The following NLRP9 variants were observed in gnomAD, a reference collection of about 807,000 sequenced individuals.
The protein encoded by NLRP9 is NACHT, LRR and PYD domains-containing protein 9.
NLRP9 carries 88 observed loss-of-function variants against 83.1 expected under a neutral mutation model. The ratio of observed to expected loss-of-function variants is 1.06; its 90% CI spans 0.89 to 1.26. The LOEUF (loss-of-function observed/expected upper bound fraction) is 1.26, where lower values mean the gene tolerates loss of function less well. Among genes scored for constraint, NLRP9 ranks in the 50% most tolerant of loss-of-function variants. The pLI, the probability that NLRP9 is intolerant of heterozygous loss-of-function variation, is 0.00. For synonymous variants in NLRP9, 521 were observed against 447.6 expected, an observed-to-expected ratio of 1.16 and a Z score of -2.07; for missense variants, 1,308 against 1,179.3, an observed-to-expected ratio of 1.11 and a Z score of -1.60.
At chr19:55,729,046 T>C (rs200679268) in intron 3 of NLRP9, among the ~76,000 whole-genome samples, 1,386 of 117,740 alleles carry the variant, frequency 0.012, 11 homozygotes, top group East Asian at 0.12. Context: ...TTATTTTTCT[T>C]TTTCTTTTTT....
At chr19:55,729,283 C>T (rs139400721) in intron 3 of NLRP9, among the ~76,000 whole-genome samples, 132 of 150,556 alleles carry the variant, frequency 8.8e-4, no homozygotes, top group South Asian at 1.5e-3. Flanking sequence ...ATGTGTACAA[C>T]GTGCAGGTTT....
intron 8 of NLRP9, chr19:55,709,593 T>G (rs1987621175): frequency 6.6e-6 from 1 of 152,300 alleles, no homozygotes; most frequent in Non-Finnish European, 1.5e-5. Flanking sequence ...CATTGTCCCC[T>G]GAACCCACCT....
chr19:55,713,071 T>G (rs1020930351), intron 6 of NLRP9, among the ~76,000 whole-genome samples: 6 of 150,434 alleles, frequency 4.0e-5, no homozygotes, highest in Non-Finnish European at 8.9e-5. Flanking sequence ...TCTTCTCTCC[T>G]GCCTGGCTCT....
rs765779528 is a variant in NLRP9 at position 55,733,919 on chromosome 19, AT to A, written c.281-370del. ...ATAAACTCAACCAGTTGTCAACCAA[AT>A]TTTTTTTTTTTTTTTTTTTTGAGAC... On this transcript the variant is annotated intron_variant, in intron 1 of 8. Transcript: ENST00000332836. Among the ~76,000 whole-genome samples the A allele has an allele frequency of 1.6e-3, 183 of 117,860 alleles. 1 individual carries two copies. The highest frequency in any genetic ancestry group is 2.2e-3 in the East Asian group (10 of 4,488). 77.3% of individuals were successfully genotyped at this position (117,860 alleles called of 152,430 possible). A position where few individuals can be genotyped will look rare whatever the true frequency, so the allele number is the denominator to read the frequency against.
intron 2 of NLRP9, among the ~76,000 whole-genome samples, chr19:55,730,715 C>T (rs142008183): frequency 3.3e-5 from 5 of 152,194 alleles, no homozygotes; most frequent in East Asian, 1.9e-4. Flanking sequence ...GATGAGAACA[C>T]ATGGACACAG....
chr19:55,715,929 G>A (rs185654311), intron 5 of NLRP9, among the ~76,000 whole-genome samples: 1 of 152,108 alleles, frequency 6.6e-6, no homozygotes, highest in Non-Finnish European at 1.5e-5. Context: ...ACATATTTAA[G>A]GTTTTGTTAA....
intron 1 of NLRP9, among the ~76,000 whole-genome samples, chr19:55,735,381 A>C (rs1489570509): frequency 6.6e-6 from 1 of 152,196 alleles, no homozygotes; most frequent in African/African-American, 2.4e-5. Flanking sequence ...TGAGGCCAGG[A>C]GTTCAAGACG....
chr19:55,731,975 C>CG (rs749449133), intron 2 of NLRP9, 24 bp downstream of exon 2: 1 of 1,434,222 alleles, frequency 7.0e-7, no homozygotes, highest in Non-Finnish European at 9.5e-7. Flanking sequence ...GTGTGTGGGA[C>CG]GGGGGATTAA....
intron 4 of NLRP9, among the ~76,000 whole-genome samples, chr19:55,722,607 TTTTA>T (rs1988263478): frequency 6.6e-6 from 1 of 152,218 alleles, no homozygotes; most frequent in Non-Finnish European, 1.5e-5. Context: ...AGTGGGCTGA[TTTTA>T]TTTATTGCTG....
In NLRP9 at chr19:55,732,904, G is replaced by A. The variant is rs774919103; in HGVS notation, c.927C>T (p.Tyr309=). The part of the protein sequence containing the change: ...SESEKKSYFS[Y]FFGEKSKALK... ...GGGCTTTGCTCTTCTCACCAAAGAA[G>A]TAGGAGAAATACGACTTCTTTTCAG... is the stretch of plus-strand genomic sequence containing the variant. Residue 309 remains tyrosine (Y), a synonymous_variant, in exon 2 of 9, where the codon TAC becomes TAT. Transcript: ENST00000332836. 52 of 1,613,772 alleles carry A rather than the reference G, an allele frequency of 3.2e-5. No individual in the cohort carries two copies. Among genetic ancestry groups the A allele is most frequent in the Non-Finnish European group, 4.2e-5 (50 of 1,179,984 alleles).
chr19:55,728,769 G>C (rs1988474888), intron 3 of NLRP9, among the ~76,000 whole-genome samples: 1 of 152,250 alleles, frequency 6.6e-6, no homozygotes, highest in East Asian at 1.9e-4. Flanking sequence ...TGGGAGCATA[G>C]CAAGTCTTCC....
At chr19:55,735,629 A>T (rs1310189577) in intron 1 of NLRP9, among the ~76,000 whole-genome samples, 1 of 152,186 alleles carries the variant, frequency 6.6e-6, no homozygotes, top group Non-Finnish European at 1.5e-5. Context: ...ACAATATATT[A>T]TGGACATCTT....
intron 1 of NLRP9, among the ~76,000 whole-genome samples, chr19:55,735,489 T>A (rs772963337): frequency 1.7e-4 from 26 of 152,126 alleles, no homozygotes; most frequent in Non-Finnish European, 2.9e-4. Context: ...CAAAATGTCA[T>A]CAATGTATGT....
intron 2 of NLRP9, 41 bp from the exon 3 acceptor site, chr19:55,730,033 T>G: frequency 6.4e-7 from 1 of 1,570,582 alleles, no homozygotes; most frequent in South Asian, 1.1e-5. Context: ...GTGGCTAAAC[T>G]CAATTCAAGA....
At chr19:55,737,626 A>G (rs989666483) in intron 1 of NLRP9, 2 of 164,052 alleles carry the variant, frequency 1.2e-5, no homozygotes, top group African/African-American at 2.4e-5. Context: ...GCAGTTAGGC[A>G]TGGTGGCTCA....
chr19:55,722,862 C>T (rs768669237), intron 4 of NLRP9, among the ~76,000 whole-genome samples: 2 of 152,014 alleles, frequency 1.3e-5, no homozygotes, highest in East Asian at 3.9e-4. Context: ...ATGGATGAAA[C>T]CGGAAACCAT....
intron 8 of NLRP9, chr19:55,711,491 A>G: frequency 1.5e-6 from 2 of 1,346,738 alleles, no homozygotes; most frequent in Non-Finnish European, 2.0e-6. Flanking sequence ...AAGATGTTTT[A>G]TAGAGCAGTG....
At position 55,733,540 on chromosome 19, in the gene NLRP9, G is replaced by A; in HGVS notation, c.291C>T (p.Asn97=). 1 of 1,569,860 alleles carries A rather than the reference G, an allele frequency of 6.4e-7. No individual in the cohort carries two copies. Among genetic ancestry groups the A allele is most frequent in the Non-Finnish European group, 8.7e-7 (1 of 1,155,606 alleles). The change falls in exon 2 of 9, where the codon AAC becomes AAT. Residue 97 remains asparagine, a synonymous_variant. Transcript: ENST00000332836. The part of the protein sequence containing the change: ...KAQEEMRNKL[N]PYRKHMKETF... ...TTTCCTTCATATGCTTTCTGTATGG[G>A]TTTAGCTTATCTGTGTTAATGAGAA...
At chr19:55,723,459 G>C (rs1198311372) in intron 4 of NLRP9, among the ~76,000 whole-genome samples, 2 of 152,180 alleles carry the variant, frequency 1.3e-5, no homozygotes, top group African/African-American at 4.8e-5. Context: ...AGTGGCTCAT[G>C]TGAAGTACTG....
Sources: gnomAD v4.1 joint callset for allele counts (sites outside exome capture counted in the v4.1 genomes callset) on GRCh38, gnomAD v4.1.1 for gene constraint, MANE v1.5 for transcripts, NCBI Gene and HGNC (gene_info 2026-07-23, HGNC 2026-07-21) for gene names.